STEAP1B: variants seen among roughly 807,000 people sequenced by gnomAD.
The protein encoded by STEAP1B is STEAP family member 1B, also known as STEAP family protein MGC87042.
A neutral mutation model predicts 27.9 loss-of-function variants in STEAP1B; 13 were observed. The observed-to-expected ratio is 0.47, with a 90% CI of 0.30 to 0.74. The LOEUF (loss-of-function observed/expected upper bound fraction) is 0.74, where lower values mean the gene tolerates loss of function less well. STEAP1B is among the 30% of genes least tolerant of loss of function. The probability of loss-of-function intolerance (pLI) is 0.06; values close to 1 mark genes in which losing one functional copy is unlikely to be tolerated. For missense variants in STEAP1B, 250 were observed against 298.7 expected (o/e 0.84, Z 1.20); for synonymous variants, 86 against 107.1 (o/e 0.80, Z 1.22).
intron 4 of STEAP1B, among the ~76,000 whole-genome samples, chr7:22,463,276 C>G (rs1274331445): frequency 6.6e-6 from 1 of 151,748 alleles, no homozygotes; most frequent in Non-Finnish European, 1.5e-5. Flanking sequence ...TCAAGGAGAA[C>G]TACAAACCAC....
intron 4 of STEAP1B, among the ~76,000 whole-genome samples, chr7:22,456,787 T>A (rs1785585389): frequency 6.7e-6 from 1 of 149,334 alleles, no homozygotes; most frequent in Non-Finnish European, 1.5e-5. Flanking sequence ...ACAGAAGGAA[T>A]CGGATGTAGT....
intron 4 of STEAP1B, among the ~76,000 whole-genome samples, chr7:22,484,390 A>C (rs912148836): frequency 6.6e-6 from 1 of 152,220 alleles, no homozygotes; most frequent in African/African-American, 2.4e-5. Context: ...TGTGCTCTAG[A>C]CATGGCACAA....
intron 4 of STEAP1B, among the ~76,000 whole-genome samples, chr7:22,480,791 G>T (rs1317507597): frequency 6.6e-6 from 1 of 152,168 alleles, no homozygotes; most frequent in African/African-American, 2.4e-5. Context: ...ATCTTTACTA[G>T]GTGCCAGCTA....
At chr7:22,434,205 C>G (rs1785225896) in intron 4 of STEAP1B, among the ~76,000 whole-genome samples, 1 of 152,208 alleles carries the variant, frequency 6.6e-6, no homozygotes, top group Non-Finnish European at 1.5e-5. Flanking sequence ...GCAGAGGGCC[C>G]CTCCAGGGAC....
chr7:22,456,542 G>A (rs1241560425), intron 4 of STEAP1B, among the ~76,000 whole-genome samples: 3 of 152,130 alleles, frequency 2.0e-5, no homozygotes, highest in Non-Finnish European at 4.4e-5. Context: ...TCTCAATTTA[G>A]TCACAGTAAT....
intron 4 of STEAP1B, among the ~76,000 whole-genome samples, chr7:22,486,315 T>C (rs1440984029): frequency 6.6e-6 from 1 of 152,184 alleles, no homozygotes; most frequent in Non-Finnish European, 1.5e-5. Flanking sequence ...GGAGTATAGT[T>C]CTGTGTCTGG....
intron 4 of STEAP1B, among the ~76,000 whole-genome samples, chr7:22,432,077 T>G (rs1785194456): frequency 1.3e-5 from 2 of 152,180 alleles, no homozygotes; most frequent in Admixed American, 6.5e-5. Flanking sequence ...AGAACCTTCA[T>G]CAGTGGGATT....
chr7:22,465,129 C>T (rs1321444701), intron 4 of STEAP1B, among the ~76,000 whole-genome samples: 2 of 151,464 alleles, frequency 1.3e-5, no homozygotes, highest in East Asian at 3.9e-4. Context: ...CAGACGGCTA[C>T]GAGGCCACTA....
At chr7:22,444,081 CAG>C (rs1038042817) in intron 4 of STEAP1B, among the ~76,000 whole-genome samples, 51 of 152,352 alleles carry the variant, frequency 3.3e-4, no homozygotes, top group African/African-American at 1.0e-3. Context: ...TGTCTCTCCA[CAG>C]AGTCACGCTC....
At chr7:22,426,583 G>C (rs1288462102) in intron 4 of STEAP1B, among the ~76,000 whole-genome samples, 1 of 152,190 alleles carries the variant, frequency 6.6e-6, no homozygotes, top group Non-Finnish European at 1.5e-5. Flanking sequence ...GCAAAAACGA[G>C]AACAAAACTG....
intron 4 of STEAP1B, among the ~76,000 whole-genome samples, chr7:22,488,165 C>G (rs2128416097): frequency 6.6e-6 from 1 of 152,312 alleles, no homozygotes; most frequent in Admixed American, 6.5e-5. Context: ...GACTCCACCC[C>G]CTCCCAAGGA....
intron 4 of STEAP1B, among the ~76,000 whole-genome samples, chr7:22,453,372 C>T (rs1449693857): frequency 2.0e-5 from 3 of 149,048 alleles, no homozygotes; most frequent in East Asian, 4.0e-4. Flanking sequence ...TTTCTTACTG[C>T]CTCCCTCAGC....
chr7:22,428,113 T>C lies in STEAP1B; in HGVS notation c.763-8277A>G, dbSNP rs555025995. ...CACTGGCCAGACATAGGATGGAATC[T>C]GCCCTGAGAAGTGAGCCTGAACTTA... is the stretch of plus-strand genomic sequence containing the variant. On this transcript the variant is annotated intron_variant, in intron 4 of 4. Coordinates refer to ENST00000678116, the MANE Select transcript of STEAP1B (RefSeq NM_001382447.1). 5.3e-5 allele frequency among the ~76,000 whole-genome samples: 8 copies of C among 152,278 alleles called. No individual in the cohort carries two copies. The East Asian group carries it at 1.5e-3, about 29-fold the overall frequency.
At chr7:22,454,854 T>TAC (rs1554285542) in intron 4 of STEAP1B, among the ~76,000 whole-genome samples, 1 of 68,952 alleles carries the variant, frequency 1.5e-5, no homozygotes, top group South Asian at 6.8e-4. Context: ...TATATGTATA[T>TAC]ATATATATAT....
intron 4 of STEAP1B, among the ~76,000 whole-genome samples, chr7:22,446,663 C>A (rs527923544): frequency 6.6e-6 from 1 of 152,286 alleles, no homozygotes; most frequent in East Asian, 1.9e-4. Context: ...CTTCTATAAC[C>A]CTTATTTTTC....
intron 4 of STEAP1B, among the ~76,000 whole-genome samples, chr7:22,439,893 T>C (rs547970331): frequency 1.3e-5 from 2 of 152,176 alleles, no homozygotes. Context: ...AAAAACCTCA[T>C]GCATCAACAA....
chr7:22,467,571 T>TG (rs1248786683), intron 4 of STEAP1B, among the ~76,000 whole-genome samples: 1 of 152,214 alleles, frequency 6.6e-6, no homozygotes, highest in Non-Finnish European at 1.5e-5. Flanking sequence ...AATTGAATTT[T>TG]GGGGGCGATT....
chr7:22,486,102 C>T (rs1227085782), intron 4 of STEAP1B, among the ~76,000 whole-genome samples: 1 of 152,200 alleles, frequency 6.6e-6, no homozygotes, highest in African/African-American at 2.4e-5. Context: ...CACCTCAGAC[C>T]AATTACAGCA....
At chr7:22,492,349 G>GAAAAAAAAAAAAAAAAAAAA (rs1371957621) in intron 4 of STEAP1B, 9 of 185,124 alleles carry the variant, frequency 4.9e-5, no homozygotes, top group African/African-American at 1.5e-4. Flanking sequence ...AAAAAAAAAG[G>GAAAAAAAAAAAAAAAAAAAA]ATATTTTAAT....
Sources: allele counts gnomAD v4.1 joint callset (sites outside exome capture counted in the v4.1 genomes callset), GRCh38; gene constraint gnomAD v4.1.1; transcripts MANE v1.5; gene names NCBI Gene and HGNC (gene_info 2026-07-23, HGNC 2026-07-21).